Variants in TRAPPC9 observed in about 807,000 individuals in gnomAD.
TRAPPC9 encodes the protein IKK2 binding protein.
A neutral mutation model predicts 124.0 loss-of-function variants in TRAPPC9; 83 were observed. The observed-to-expected ratio is 0.67, with a 90% CI of 0.56 to 0.80. The LOEUF (loss-of-function observed/expected upper bound fraction) is 0.80, where lower values mean the gene tolerates loss of function less well. Among genes scored for constraint, TRAPPC9 ranks in the 30% least tolerant of loss-of-function variants. TRAPPC9 has a pLI of 0.00. For synonymous variants in TRAPPC9, 638 were observed against 617.5 expected (o/e 1.03, Z -0.49); for missense variants, 1,302 against 1,508.3 (o/e 0.86, Z 2.27).
chr8:140,139,586 G>A (rs2061353181), intron 17 of TRAPPC9, among the ~76,000 whole-genome samples: 4 of 152,222 alleles, frequency 2.6e-5, no homozygotes, highest in South Asian at 2.1e-4. Context: ...AGGGGAATAC[G>A]GTAGTCCAGT....
intron 18 of TRAPPC9, among the ~76,000 whole-genome samples, 155 bp downstream of exon 18, chr8:140,023,782 T>C (rs1222915742): frequency 6.6e-6 from 1 of 152,074 alleles, no homozygotes; most frequent in Non-Finnish European, 1.5e-5. Context: ...CCTGGTTTCC[T>C]AAAGAAAAAC....
intron 11 of TRAPPC9, among the ~76,000 whole-genome samples, chr8:140,294,884 T>C (rs1416708914): frequency 1.3e-5 from 2 of 152,126 alleles, no homozygotes; most frequent in South Asian, 2.1e-4. Flanking sequence ...AGTACTAGAA[T>C]TACAGGCGTG....
chr8:139,946,709 AGTGGCT>A (rs1834244259), intron 19 of TRAPPC9, among the ~76,000 whole-genome samples: 1 of 151,774 alleles, frequency 6.6e-6, no homozygotes, highest in Admixed American at 6.6e-5. Flanking sequence ...GGCCAAGAGC[AGTGGCT>A]CACGCCTGAA....
chr8:139,921,590 C>T (rs182542381), intron 19 of TRAPPC9, among the ~76,000 whole-genome samples: 76 of 152,178 alleles, frequency 5.0e-4, no homozygotes, highest in African/African-American at 1.8e-3. Context: ...TTAAGACACA[C>T]AGTAAGGGGA....
At chr8:139,756,282 A>G (rs936066366) in intron 21 of TRAPPC9, among the ~76,000 whole-genome samples, 2 of 140,112 alleles carry the variant, frequency 1.4e-5, no homozygotes, top group African/African-American at 2.8e-5. Context: ...GGGTTTGGGG[A>G]TGAGGACAGC....
intron 17 of TRAPPC9, among the ~76,000 whole-genome samples, chr8:140,150,752 A>G (rs2061531661): frequency 6.6e-6 from 1 of 152,200 alleles, no homozygotes; most frequent in African/African-American, 2.4e-5. Flanking sequence ...GGATGAGCAC[A>G]GCTTCAAGGG....
intron 17 of TRAPPC9, among the ~76,000 whole-genome samples, chr8:140,102,167 A>C (rs1216142992): frequency 6.6e-6 from 1 of 152,212 alleles, no homozygotes; most frequent in Admixed American, 6.5e-5. Context: ...GCTTTGTAAG[A>C]GACAATAAAT....
Position 140,340,935 on chromosome 8 carries a change from T to C in TRAPPC9, c.1495+19115A>G, listed in dbSNP as rs148116701. ...GTAACCAACAACAATTACTATATAT[T>C]GAGCACAGGTTCTCAATTGAGAACA... On this transcript the variant is annotated intron_variant, in intron 9 of 22. Transcript: ENST00000438773. 7.4e-3 allele frequency among the ~76,000 whole-genome samples: 1,124 copies of C among 152,320 alleles called. 17 individuals are homozygous for C. The highest frequency in any genetic ancestry group is 8.2e-3 in the Non-Finnish European group (561 of 68,026).
In TRAPPC9 at chr8:140,330,084, C is replaced by T. The variant is rs192927315; in HGVS notation, c.1496-18710G>A. ...ACAAGAGCGAAACTCAGTCTCAAAACAAAACAAAACACCTCAATGCTATAT... is the reference window on the plus strand; with the variant it reads ...ACAAGAGCGAAACTCAGTCTCAAAATAAAACAAAACACCTCAATGCTATAT... On this transcript the variant is annotated intron_variant, in intron 9 of 22. Transcript: ENST00000438773. 6.5e-4 allele frequency among the ~76,000 whole-genome samples: 99 copies of T among 152,068 alleles called. 1 individual carries two copies. Among genetic ancestry groups the T allele is most frequent in the Non-Finnish European group, 1.2e-3 (80 of 67,988 alleles).
intron 20 of TRAPPC9, among the ~76,000 whole-genome samples, chr8:139,894,035 C>T (rs1188028219): frequency 1.3e-5 from 2 of 152,264 alleles, no homozygotes; most frequent in African/African-American, 4.8e-5. Flanking sequence ...TCCCTGCCCA[C>T]AGCCACCCTG....
chr8:139,801,327 C>A (rs1166672088), intron 21 of TRAPPC9, among the ~76,000 whole-genome samples: 1 of 152,202 alleles, frequency 6.6e-6, no homozygotes, highest in Non-Finnish European at 1.5e-5. Flanking sequence ...GGCCACACAC[C>A]CCAGCATCCC....
chr8:140,210,440 G>C (rs1357225342), intron 17 of TRAPPC9, among the ~76,000 whole-genome samples: 2 of 152,198 alleles, frequency 1.3e-5, no homozygotes, highest in Non-Finnish European at 2.9e-5. Context: ...CTGGAGGGAA[G>C]TGGGGGGTTC....
Position 140,101,532 on chromosome 8 carries a change from C to CTTTTTTTTTTTTTTTTTTTTTTTTT in TRAPPC9, c.2557-77454_2557-77453insAAAAAAAAAAAAAAAAAAAAAAAAA, listed in dbSNP as rs1234280796. 1.7e-4 allele frequency among the ~76,000 whole-genome samples: 13 copies of CTTTTTTTTTTTTTTTTTTTTTTTTT among 78,726 alleles called. 5 individuals are homozygous for CTTTTTTTTTTTTTTTTTTTTTTTTT. Among genetic ancestry groups the CTTTTTTTTTTTTTTTTTTTTTTTTT allele is most frequent in the African/African-American group, 4.5e-4 (7 of 15,564 alleles). 51.6% of individuals were successfully genotyped at this position (78,726 alleles called of 152,430 possible). On this transcript the variant is annotated intron_variant, in intron 17 of 22. Transcript: ENST00000438773. ...ACTTGGGTTGGTTTTGTAGGGTTTT[C>CTTTTTTTTTTTTTTTTTTTTTTTTT]TTTTTTTTGTTTTTTTTTTTTTTTT...
intron 21 of TRAPPC9, among the ~76,000 whole-genome samples, chr8:139,750,081 G>A (rs1300360384): frequency 1.3e-5 from 2 of 152,110 alleles, no homozygotes; most frequent in Non-Finnish European, 2.9e-5. Context: ...GGGAGTGGTG[G>A]GGGCTGGATA....
intron 9 of TRAPPC9, among the ~76,000 whole-genome samples, chr8:140,355,343 A>C (rs772831165): frequency 6.6e-6 from 1 of 152,198 alleles, no homozygotes; most frequent in Non-Finnish European, 1.5e-5. Context: ...CAGACCTTAG[A>C]AGTACATCAT....
intron 21 of TRAPPC9, among the ~76,000 whole-genome samples, chr8:139,767,323 G>C (rs1176270844): frequency 6.6e-6 from 1 of 152,216 alleles, no homozygotes; most frequent in Non-Finnish European, 1.5e-5. Context: ...TCTGAAGTGA[G>C]CTAAGTTCAT....
chr8:139,805,473 T>A (rs549145174), intron 21 of TRAPPC9, among the ~76,000 whole-genome samples: 1 of 152,366 alleles, frequency 6.6e-6, no homozygotes, highest in African/African-American at 2.4e-5. Flanking sequence ...TTGAACATCC[T>A]GGGGCCCCAG....
intron 17 of TRAPPC9, among the ~76,000 whole-genome samples, chr8:140,101,629 G>A (rs1252769665): frequency 7.8e-6 from 1 of 128,726 alleles, no homozygotes; most frequent in African/African-American, 2.9e-5. Context: ...TGCAACCTCC[G>A]CCTCCTGGGT....
At chr8:139,875,502 A>T (rs1829262942) in intron 21 of TRAPPC9, among the ~76,000 whole-genome samples, 1 of 152,228 alleles carries the variant, frequency 6.6e-6, no homozygotes, top group Non-Finnish European at 1.5e-5. Flanking sequence ...AAAGAAGGTA[A>T]CTACTTTTGT....
Sources: gnomAD v4.1 joint callset for allele counts (sites outside exome capture counted in the v4.1 genomes callset) on GRCh38, gnomAD v4.1.1 for gene constraint, MANE v1.5 for transcripts, NCBI Gene and HGNC (gene_info 2026-07-23, HGNC 2026-07-21) for gene names.